ABCA13: variants seen among roughly 807,000 people sequenced by gnomAD.
The protein encoded by ABCA13 is ATP-binding cassette sub-family A member 13.
A neutral mutation model predicts 478.7 loss-of-function variants in ABCA13; 476 were observed. The ratio of observed to expected loss-of-function variants is 0.99; its 90% confidence interval spans 0.92 to 1.07. The LOEUF is 1.07. ABCA13 is among the 50% of genes least tolerant of loss of function. ABCA13 has a pLI of 0.00. For missense variants in ABCA13, 6,060 were observed against 5,910.6 expected (o/e 1.03, Z -0.83); for synonymous variants, 2,252 against 2,158.9 (o/e 1.04, Z -1.20).
intron 55 of ABCA13, among the ~76,000 whole-genome samples, chr7:48,565,214 C>CTTT (rs10559411): frequency 0.045 from 5,077 of 113,574 alleles, 161 homozygotes; most frequent in African/African-American, 0.066. Flanking sequence ...ATTTAATGAG[C>CTTT]TTTTTTTTTT....
chr7:48,557,026 A>T (rs1199160059), intron 55 of ABCA13, among the ~76,000 whole-genome samples: 2 of 152,072 alleles, frequency 1.3e-5, no homozygotes, highest in East Asian at 1.9e-4. Flanking sequence ...TTTTAAATTG[A>T]TGACAACTTA....
At chr7:48,199,731 CTCTG>C (rs1798411304) in intron 3 of ABCA13, among the ~76,000 whole-genome samples, 1 of 152,176 alleles carries the variant, frequency 6.6e-6, no homozygotes, top group South Asian at 2.1e-4. Flanking sequence ...ATATACAAAA[CTCTG>C]TCTTTCTTGG....
intron 41 of ABCA13, among the ~76,000 whole-genome samples, chr7:48,412,881 G>A (rs563908145): frequency 1.3e-5 from 2 of 150,758 alleles, no homozygotes; most frequent in South Asian, 2.1e-4. Flanking sequence ...GCGCTATCTC[G>A]GCTCACTGCA....
At chr7:48,382,871 A>G (rs1023275496) in intron 35 of ABCA13, among the ~76,000 whole-genome samples, 2 of 151,594 alleles carry the variant, frequency 1.3e-5, no homozygotes, top group African/African-American at 4.9e-5. Context: ...TGACTAGTTG[A>G]TTTCTGTTTG....
chr7:48,577,157 A>G (rs1014263165), intron 55 of ABCA13, among the ~76,000 whole-genome samples: 5 of 152,140 alleles, frequency 3.3e-5, no homozygotes, highest in African/African-American at 1.2e-4. Context: ...ATCTAAGCTT[A>G]TATGTTACTA....
intron 39 of ABCA13, among the ~76,000 whole-genome samples, chr7:48,404,820 A>G (rs990670601): frequency 6.6e-6 from 1 of 152,228 alleles, no homozygotes; most frequent in Non-Finnish European, 1.5e-5. Flanking sequence ...GAGAAAAATA[A>G]CAAAAGGGAG....
intron 15 of ABCA13, among the ~76,000 whole-genome samples, chr7:48,251,676 T>C (rs1410693795): frequency 6.6e-6 from 1 of 151,828 alleles, no homozygotes; most frequent in Non-Finnish European, 1.5e-5. Context: ...ATGTATATTA[T>C]TTTATTAATT....
chr7:48,435,791 A>G (rs1242082748), intron 42 of ABCA13, among the ~76,000 whole-genome samples: 5 of 151,560 alleles, frequency 3.3e-5, no homozygotes, highest in Non-Finnish European at 5.9e-5. Flanking sequence ...TAAAAATTTT[A>G]TCCTTTTAAT....
chr7:48,385,900 C>G (rs930196499), intron 35 of ABCA13, among the ~76,000 whole-genome samples: 1 of 152,186 alleles, frequency 6.6e-6, no homozygotes, highest in Admixed American at 6.5e-5. Flanking sequence ...TTGCATTTCT[C>G]TAATTATCAT....
chr7:48,525,235 A>T (rs1832807491), intron 54 of ABCA13, among the ~76,000 whole-genome samples: 2 of 152,140 alleles, frequency 1.3e-5, no homozygotes, highest in African/African-American at 4.8e-5. Context: ...ATTAGAACAA[A>T]ATGTTAAGAA....
intron 55 of ABCA13, among the ~76,000 whole-genome samples, chr7:48,528,884 T>G (rs1039748257): frequency 6.6e-6 from 1 of 152,102 alleles, no homozygotes; most frequent in African/African-American, 2.4e-5. Flanking sequence ...ATATGTGAGG[T>G]CCCTGGGCAC....
At chr7:48,524,216 G>A (rs374093363) in intron 53 of ABCA13, 32 bp from the exon 54 acceptor site, 77 of 1,585,852 alleles carry the variant, frequency 4.9e-5, no homozygotes, top group Non-Finnish European at 6.2e-5. Flanking sequence ...TCATTTGCTA[G>A]GTGTGAATTC....
intron 42 of ABCA13, among the ~76,000 whole-genome samples, chr7:48,442,270 C>CAAA (rs1823718005): frequency 6.6e-6 from 1 of 151,742 alleles, no homozygotes; most frequent in South Asian, 2.1e-4. Context: ...GCTTGGGCTG[C>CAAA]CAAACTGCCA....
chr7:48,383,004 G>A (rs1342638621), intron 35 of ABCA13, among the ~76,000 whole-genome samples: 2 of 152,076 alleles, frequency 1.3e-5, no homozygotes, highest in African/African-American at 4.8e-5. Flanking sequence ...GGCCTCACCT[G>A]TCCTACTCAT....
chr7:48,211,571 G>A (rs992008826), intron 3 of ABCA13, among the ~76,000 whole-genome samples: 7 of 152,088 alleles, frequency 4.6e-5, no homozygotes, highest in Non-Finnish European at 1.0e-4. Flanking sequence ...TGAAGCTCAT[G>A]TTCTTCCTGA....
intron 23 of ABCA13, among the ~76,000 whole-genome samples, chr7:48,301,935 C>A (rs758216366): frequency 1.1e-4 from 17 of 152,150 alleles, no homozygotes; most frequent in Non-Finnish European, 1.9e-4. Flanking sequence ...AGTCAGCTAG[C>A]GTTTCTTAGG....
In ABCA13 at chr7:48,410,579, G is replaced by C. The variant is rs199950586; in HGVS notation, c.12130G>C (p.Val4044Leu). The C allele has an allele frequency of 2.5e-6, 4 of 1,614,002 alleles. No individual in the cohort carries two copies. The African/African-American group carries it at 4.0e-5, about 16-fold the overall frequency. The change falls in exon 40 of 62, where the codon GTG (valine) becomes CTG (leucine). Residue 4044 changes from valine to leucine, a missense_variant. Physicochemically the swap from Val to Leu is conservative, Grantham distance 32. Coordinates refer to ENST00000435803, the MANE Select transcript of ABCA13 (RefSeq NM_152701.5). ...TGAAGCTGAAGCGCTGAGTGACCGCGTGGCCGTCCTCCAGCATGGGAGGCT... is the reference window on the plus strand; with the variant it reads ...TGAAGCTGAAGCGCTGAGTGACCGCCTGGCCGTCCTCCAGCATGGGAGGCT... Reference protein sequence around the residue: ...LDEAEALSDRVAVLQHGRLRC... With the variant: ...LDEAEALSDRLAVLQHGRLRC...
intron 15 of ABCA13, among the ~76,000 whole-genome samples, chr7:48,259,768 C>T (rs1475024585): frequency 6.6e-6 from 1 of 151,606 alleles, no homozygotes; most frequent in East Asian, 1.9e-4. Context: ...CCATATTTAG[C>T]ACTCCCTTAA....
chr7:48,309,824 T>C, intron 23 of ABCA13, 123 bp from the exon 24 acceptor site: 1 of 1,052,228 alleles, frequency 9.5e-7, no homozygotes, highest in South Asian at 1.7e-5. Context: ...CATCTGCAGG[T>C]CAGTCCCGGG....
Sources: gnomAD v4.1 joint callset for allele counts (sites outside exome capture counted in the v4.1 genomes callset) on GRCh38, gnomAD v4.1.1 for gene constraint, MANE v1.5 for transcripts, NCBI Gene and HGNC (gene_info 2026-07-23, HGNC 2026-07-21) for gene names.